HMCN1: variants seen among roughly 807,000 people sequenced by gnomAD.
The protein encoded by HMCN1 is hemicentin-1.
Under a neutral mutation model 625.9 loss-of-function variants are expected in HMCN1, and 321 were observed. That is an observed-to-expected ratio of 0.51 (90% confidence interval 0.47 to 0.56). The LOEUF is 0.56. Among genes scored for constraint, HMCN1 ranks in the 20% least tolerant of loss-of-function variants. The pLI is 0.00. For missense variants in HMCN1, 6,588 were observed against 6,887.3 expected, an observed-to-expected ratio of 0.96 and a Z score of 1.54; for synonymous variants, 2,425 against 2,417.6, an observed-to-expected ratio of 1.00 and a Z score of -0.09.
chr1:185,837,396 A>G (rs1260226937), intron 1 of HMCN1, among the ~76,000 whole-genome samples: 1 of 151,666 alleles, frequency 6.6e-6, no homozygotes, highest in Non-Finnish European at 1.5e-5. Flanking sequence ...TTTTTTTGCT[A>G]TCTTTTTTTA....
chr1:186,178,582 T>C lies in HMCN1; in HGVS notation c.16110T>C (p.Tyr5370=). ...LPNYGTQYSS[Y]NLARFSPVRN... is the part of the protein sequence containing the mutation. ...ATTATGGCACTCAATACAGTAGCTATAACCTTGCACGGTTCTCCCCTGTGA... is the reference window on the plus strand; with the variant it reads ...ATTATGGCACTCAATACAGTAGCTACAACCTTGCACGGTTCTCCCCTGTGA... Residue 5370 remains tyrosine (Y), a synonymous_variant, in exon 104 of 107, where the codon TAT becomes TAC. Coordinates refer to ENST00000271588, the MANE Select transcript of HMCN1 (RefSeq NM_031935.3). 1.2e-6 allele frequency: 2 copies of C among 1,614,140 alleles called. No homozygotes were observed. Among genetic ancestry groups the C allele is most frequent in the Non-Finnish European group, 1.7e-6 (2 of 1,180,010 alleles).
In HMCN1 at chr1:185,846,091, G is replaced by A; in HGVS notation, c.334G>A (p.Val112Ile). Residue 112 changes from valine (V) to isoleucine (I), a missense_variant, in exon 2 of 107, where the codon GTT becomes ATT. This residue lies in a region of HMCN1 where 4,628 missense variants were observed against 4,853.1 expected (regional missense o/e 0.95). Coordinates refer to ENST00000271588, the MANE Select transcript of HMCN1 (RefSeq NM_031935.3). The part of the protein sequence containing the change: ...KFQYELRELY[V>I]QGGGDCPEMS... Reference sequence around the variant, plus strand: ...TCAATATGAACTCAGAGAACTGTATGTTCAGGTGAGTGCTTGCTTTCAGTG... The same window carrying A: ...TCAATATGAACTCAGAGAACTGTATATTCAGGTGAGTGCTTGCTTTCAGTG... 1 of 1,606,428 alleles carries A rather than the reference G, an allele frequency of 6.2e-7. No individual in the cohort carries two copies. The highest frequency in any genetic ancestry group is 8.5e-7 in the Non-Finnish European group (1 of 1,173,294).
At chr1:185,908,466 G>T (rs905893047) in intron 4 of HMCN1, among the ~76,000 whole-genome samples, 35 of 151,994 alleles carry the variant, frequency 2.3e-4, no homozygotes, top group Non-Finnish European at 4.1e-4. Context: ...GAAAGATGAG[G>T]TGATCAAAGG....
At chr1:185,786,480 ATT>A (rs1382321448) in intron 1 of HMCN1, among the ~76,000 whole-genome samples, 2 of 152,128 alleles carry the variant, frequency 1.3e-5, no homozygotes, top group Admixed American at 1.3e-4. Flanking sequence ...TTGGATTCAA[ATT>A]GGCATCTGGG....
chr1:186,107,035 C>T (rs1280713534), intron 70 of HMCN1, 70 bp downstream of exon 70: 15 of 879,806 alleles, frequency 1.7e-5, no homozygotes, highest in South Asian at 1.0e-4. Flanking sequence ...GACAACACCA[C>T]AGCACATCAC....
intron 11 of HMCN1, among the ~76,000 whole-genome samples, chr1:185,943,363 G>A (rs1571593562): frequency 1.3e-5 from 2 of 152,196 alleles, no homozygotes; most frequent in African/African-American, 2.4e-5. Context: ...GCTACCTCCA[G>A]GTAGATAGTG....
At chr1:185,764,703 A>G (rs931402135) in intron 1 of HMCN1, among the ~76,000 whole-genome samples, 4 of 152,258 alleles carry the variant, frequency 2.6e-5, no homozygotes, top group African/African-American at 4.8e-5. Context: ...AGTACTGACA[A>G]CCTCCAGTGA....
At chr1:186,093,112 T>C (rs1377798624) in intron 64 of HMCN1, 22 bp from the exon 65 acceptor site, 1 of 1,612,834 alleles carries the variant, frequency 6.2e-7, no homozygotes, top group Non-Finnish European at 8.5e-7. Flanking sequence ...TCTCAGCCCC[T>C]CTGTTATGAT....
intron 1 of HMCN1, among the ~76,000 whole-genome samples, chr1:185,753,823 G>A (rs912769965): frequency 6.6e-6 from 1 of 152,060 alleles, no homozygotes; most frequent in Admixed American, 6.6e-5. Context: ...ATTGTTGGTG[G>A]GAATGTAAAT....
chr1:185,936,085 T>G (rs1358113887), intron 11 of HMCN1, among the ~76,000 whole-genome samples: 1 of 152,174 alleles, frequency 6.6e-6, no homozygotes, highest in Non-Finnish European at 1.5e-5. Flanking sequence ...ATCAGTAGCT[T>G]AATTCACAGC....
intron 1 of HMCN1, among the ~76,000 whole-genome samples, chr1:185,792,030 A>T (rs925334979): frequency 6.6e-6 from 1 of 152,246 alleles, no homozygotes; most frequent in African/African-American, 2.4e-5. Flanking sequence ...TTATAGAGAT[A>T]AATGAGACAA....
At chr1:186,094,961 A>C (rs1324682986) in intron 67 of HMCN1, among the ~76,000 whole-genome samples, 2 of 152,160 alleles carry the variant, frequency 1.3e-5, no homozygotes, top group Non-Finnish European at 2.9e-5. Context: ...CAACAAGTTA[A>C]AGGGATAGAG....
At chr1:185,963,544 A>G (rs969298333) in intron 12 of HMCN1, among the ~76,000 whole-genome samples, 2 of 152,116 alleles carry the variant, frequency 1.3e-5, no homozygotes, top group African/African-American at 2.4e-5. Context: ...ATAAATGTAA[A>G]GTTTCTAGAG....
chr1:185,975,161 G>T (rs1201216312), intron 15 of HMCN1, among the ~76,000 whole-genome samples: 1 of 152,178 alleles, frequency 6.6e-6, no homozygotes, highest in Non-Finnish European at 1.5e-5. Context: ...ACAGCCATCT[G>T]CTTTAGAATA....
intron 4 of HMCN1, among the ~76,000 whole-genome samples, chr1:185,886,923 C>T (rs1488455408): frequency 6.6e-6 from 1 of 152,122 alleles, no homozygotes. Flanking sequence ...CCTCACCTTG[C>T]CATCCAAATG....
At chr1:185,984,036 C>G (rs1651839440) in intron 18 of HMCN1, 133 bp from the exon 19 acceptor site, 3 of 676,044 alleles carry the variant, frequency 4.4e-6, no homozygotes, top group Non-Finnish European at 7.6e-6. Context: ...TCGTTCTTCA[C>G]TTAAGGACAT....
chr1:186,099,516 G>T (rs140047798), intron 68 of HMCN1, among the ~76,000 whole-genome samples: 2 of 152,034 alleles, frequency 1.3e-5, no homozygotes, highest in African/African-American at 4.8e-5. Context: ...AACATGTGTG[G>T]TGTGGCAAAC....
Position 186,144,637 on chromosome 1 carries a change from T to C in HMCN1, c.14200T>C (p.Tyr4734His). ...GGGCTGCTCCGACCCTGTGCCCCAG[T>C]ATGGAGGAAGGAAATGCGAAGGGAG... is the stretch of plus-strand genomic sequence containing the variant. ...TRGCSDPVPQ[Y>H]GGRKCEGSDV... Residue 4734 changes from tyrosine (Y) to histidine (H), a missense_variant, in exon 91 of 107, where the codon TAT becomes CAT. Tyr to His is a moderately conservative substitution (Grantham distance 83). Coordinates refer to ENST00000271588, the MANE Select transcript of HMCN1 (RefSeq NM_031935.3). The C allele has an allele frequency of 1.2e-6, 2 of 1,614,022 alleles. No individual in the cohort carries two copies. The highest frequency in any genetic ancestry group is 1.7e-6 in the Non-Finnish European group (2 of 1,179,980).
intron 82 of HMCN1, among the ~76,000 whole-genome samples, chr1:186,127,323 G>A (rs940409736): frequency 1.3e-5 from 2 of 151,858 alleles, no homozygotes; most frequent in Non-Finnish European, 2.9e-5. Context: ...ATACTGATAG[G>A]CATCAGCATA....
Sources: allele counts gnomAD v4.1 joint callset (sites outside exome capture counted in the v4.1 genomes callset), GRCh38; gene constraint gnomAD v4.1.1; regional missense constraint gnomAD v4.1.1; transcripts MANE v1.5; gene names NCBI Gene and HGNC (gene_info 2026-07-23, HGNC 2026-07-21).